Variants in SPECC1 observed in about 807,000 individuals in gnomAD.
SPECC1 encodes cytospin-B.
In SPECC1, 62 loss-of-function variants were observed where a neutral mutation model predicts 104.1. The ratio of observed to expected loss-of-function variants is 0.60; its 90% CI spans 0.49 to 0.74. SPECC1 has a LOEUF of 0.74. Among genes scored for constraint, SPECC1 ranks in the 30% least tolerant of loss-of-function variants. The pLI, the probability that SPECC1 is intolerant of heterozygous loss-of-function variation, is 0.00. For missense variants in SPECC1, 1,306 were observed against 1,310.5 expected (o/e 1.00, Z 0.05); for synonymous variants, 513 against 501.6 (o/e 1.02, Z -0.30).
Position 20,296,999 on chromosome 17 carries a change from T to C in SPECC1, c.2979T>C (p.Asp993=). 5.0e-6 allele frequency: 8 copies of C among 1,614,238 alleles called. No homozygotes were observed. Among genetic ancestry groups the C allele is most frequent in the Non-Finnish European group, 5.9e-6 (7 of 1,180,042 alleles). The change falls in exon 13 of 15, where the codon GAT becomes GAC. Residue 993 remains aspartate, a synonymous_variant. Coordinates refer to ENST00000395527, the MANE Select transcript of SPECC1 (RefSeq NM_001243439.2). The stretch of plus-strand genomic sequence containing the variant: ...CCAATTTCAGCAGCAGCTGGAGCGA[T>C]GGCCTGGCCTTCTGTGCTCTGCTCC... ...DITNFSSSWS[D]GLAFCALLHT...
chr17:20,112,624 A>G, intron 3 of SPECC1: 1 of 879,296 alleles, frequency 1.1e-6, no homozygotes, highest in South Asian at 1.3e-5. Flanking sequence ...TCTCTGGATC[A>G]GTGCTTGACT....
At chr17:20,051,903 A>C (rs769045991) in intron 1 of SPECC1, among the ~76,000 whole-genome samples, 2 of 152,148 alleles carry the variant, frequency 1.3e-5, no homozygotes, top group Non-Finnish European at 2.9e-5. Context: ...CAAATCTCAG[A>C]TTTTCTACAT....
At chr17:20,309,815 C>CTTTTTTTTTT (rs763244105) in intron 14 of SPECC1, among the ~76,000 whole-genome samples, 18 of 103,236 alleles carry the variant, frequency 1.7e-4, no homozygotes, top group East Asian at 3.1e-4. Context: ...TTCTCCTTTT[C>CTTTTTTTTTT]TTTTTTTTTT....
chr17:20,159,912 G>A (rs1175067062), intron 3 of SPECC1, among the ~76,000 whole-genome samples: 1 of 152,058 alleles, frequency 6.6e-6, no homozygotes, highest in Non-Finnish European at 1.5e-5. Flanking sequence ...GAGTTGAGTG[G>A]GCCTGGCAGG....
intron 7 of SPECC1, chr17:20,239,028 C>A: frequency 9.7e-7 from 1 of 1,034,420 alleles, no homozygotes; most frequent in Non-Finnish European, 1.2e-6. Context: ...TAGAAAAAAG[C>A]TGGATGTAAG....
At chr17:20,226,461 A>G (rs1428242979) in intron 4 of SPECC1, among the ~76,000 whole-genome samples, 1 of 152,230 alleles carries the variant, frequency 6.6e-6, no homozygotes. Context: ...TCATGGACAC[A>G]TGCATATATA....
At chr17:20,238,194 G>A (rs977679380) in intron 7 of SPECC1, 36 of 1,037,176 alleles carry the variant, frequency 3.5e-5, no homozygotes, top group Middle Eastern at 4.5e-4. Context: ...TTATTAAGCC[G>A]GATAGGTAAG....
chr17:20,063,457 G>A (rs995328491), intron 1 of SPECC1, among the ~76,000 whole-genome samples: 1 of 152,066 alleles, frequency 6.6e-6, no homozygotes, highest in African/African-American at 2.4e-5. Context: ...TATCTTGTTA[G>A]TCCTTTCAAA....
At chr17:20,112,586 T>C (rs2048547204) in intron 3 of SPECC1, 1 of 843,502 alleles carries the variant, frequency 1.2e-6, no homozygotes, top group Non-Finnish European at 2.1e-6. Flanking sequence ...TGCAAATCTT[T>C]GCTGTGCAAA....
At chr17:20,310,307 C>T (rs2041896059) in intron 14 of SPECC1, among the ~76,000 whole-genome samples, 1 of 152,170 alleles carries the variant, frequency 6.6e-6, no homozygotes, top group South Asian at 2.1e-4. Context: ...TTTGAGAAAT[C>T]TCCAAAGTGC....
intron 9 of SPECC1, among the ~76,000 whole-genome samples, chr17:20,251,377 C>G (rs1472420292): frequency 6.6e-6 from 1 of 152,068 alleles, no homozygotes; most frequent in Non-Finnish European, 1.5e-5. Flanking sequence ...TATTATATAT[C>G]TACAGCAAAC....
At chr17:20,178,400 T>C (rs1019136828) in intron 3 of SPECC1, among the ~76,000 whole-genome samples, 1 of 152,174 alleles carries the variant, frequency 6.6e-6, no homozygotes, top group African/African-American at 2.4e-5. Flanking sequence ...TGTGATGATT[T>C]GTGTGGGTGC....
Position 20,317,259 on chromosome 17 carries a change from A to ATTGTTTTTTTTTTTTTT in SPECC1, c.*3196_*3197insGTTTTTTTTTTTTTTTT, listed in dbSNP as rs2042052992. ...GCAAGACCTCTGACTCTATAAAAAA[A>ATTGTTTTTTTTTTTTTT]TTTTTTTTTTTTTTTTTTTTTGAGA... On this transcript the variant is annotated 3_prime_UTR_variant, in exon 15 of 15. Transcript: ENST00000395527. 1.4e-5 allele frequency: 1 copy of ATTGTTTTTTTTTTTTTT among 69,506 alleles called. No individual in the cohort carries two copies. Among genetic ancestry groups the ATTGTTTTTTTTTTTTTT allele is most frequent in the Non-Finnish European group, 2.3e-5 (1 of 42,610 alleles). The allele number at this position is 69,506 out of a possible 1,614,324, so 4.3% of individuals were successfully genotyped here. A position where few individuals can be genotyped will look rare whatever the true frequency, so the allele number is the denominator to read the frequency against.
chr17:20,213,881 T>TAA (rs1366200863), intron 4 of SPECC1, among the ~76,000 whole-genome samples: 3 of 152,202 alleles, frequency 2.0e-5, no homozygotes, highest in African/African-American at 7.2e-5. Flanking sequence ...TGAAGAATTT[T>TAA]TTTTTTTAAA....
rs541785934 is a variant in SPECC1 at position 20,049,752 on chromosome 17, G to A, written c.-22+40328G>A. ...TAGGCATTCCCCATCCTAAGAGTCC[G>A]AGGATTCTACGGTGTTTTCTTCTGC... is the stretch of plus-strand genomic sequence containing the variant. On this transcript the variant is annotated intron_variant, in intron 1 of 14. Coordinates refer to ENST00000395527, the MANE Select transcript of SPECC1 (RefSeq NM_001243439.2). 4.6e-5 allele frequency among the ~76,000 whole-genome samples: 7 copies of A among 152,100 alleles called. No individual in the cohort carries two copies. The South Asian group carries it at 6.2e-4, about 14-fold the overall frequency.
At chr17:20,222,151 T>G (rs946081720) in intron 4 of SPECC1, among the ~76,000 whole-genome samples, 1 of 151,840 alleles carries the variant, frequency 6.6e-6, no homozygotes, top group African/African-American at 2.4e-5. Context: ...CTGGCCAACA[T>G]GGAGAAACCC....
At chr17:20,066,023 TATCA>T (rs1360096998) in intron 1 of SPECC1, among the ~76,000 whole-genome samples, 4 of 152,228 alleles carry the variant, frequency 2.6e-5, no homozygotes, top group Non-Finnish European at 5.9e-5. Flanking sequence ...TATATCTATC[TATCA>T]GTCAATCATA....
chr17:20,284,423 TGTGCAGGAC>T (rs2040874728), intron 12 of SPECC1, among the ~76,000 whole-genome samples: 2 of 152,372 alleles, frequency 1.3e-5, no homozygotes, highest in East Asian at 3.9e-4. Context: ...GTGCTGTCCG[TGTGCAGGAC>T]GAGGCCACTC....
At chr17:20,280,866 A>G (rs1464884721) in intron 12 of SPECC1, among the ~76,000 whole-genome samples, 1 of 152,252 alleles carries the variant, frequency 6.6e-6, no homozygotes, top group African/African-American at 2.4e-5. Context: ...CATCATTGGA[A>G]GAACGGGTTT....
Sources: allele counts gnomAD v4.1 joint callset (sites outside exome capture counted in the v4.1 genomes callset), GRCh38; gene constraint gnomAD v4.1.1; transcripts MANE v1.5; gene names NCBI Gene and HGNC (gene_info 2026-07-23, HGNC 2026-07-21).